The following SLC9A9 variants were observed in gnomAD, a reference collection of about 807,000 sequenced individuals.
The protein encoded by SLC9A9 is sodium/hydrogen exchanger 9.
A neutral mutation model predicts 77.8 loss-of-function variants in SLC9A9; 62 were observed. The ratio of observed to expected loss-of-function variants is 0.80; its 90% CI spans 0.65 to 0.98. The LOEUF (loss-of-function observed/expected upper bound fraction) is 0.98, where lower values mean the gene tolerates loss of function less well. Ranked by LOEUF, SLC9A9 falls within the 50% of genes least tolerant of loss-of-function variation. The pLI, the probability that SLC9A9 is intolerant of heterozygous loss-of-function variation, is 0.00. For synonymous variants in SLC9A9, 320 were observed against 283.5 expected, an observed-to-expected ratio of 1.13 and a Z score of -1.29; for missense variants, 775 against 774.9, an observed-to-expected ratio of 1.00 and a Z score of 0.00.
At chr3:143,715,460 C>T (rs897954315) in intron 4 of SLC9A9, among the ~76,000 whole-genome samples, 3 of 152,338 alleles carry the variant, frequency 2.0e-5, no homozygotes, top group African/African-American at 7.2e-5. Context: ...ATCCTGGACT[C>T]TCCTGAAAGA....
intron 14 of SLC9A9, among the ~76,000 whole-genome samples, chr3:143,297,353 T>G (rs1312373910): frequency 1.3e-5 from 2 of 152,234 alleles, no homozygotes; most frequent in African/African-American, 4.8e-5. Flanking sequence ...TGAAAACATA[T>G]AGGCCAACGG....
Position 143,532,868 on chromosome 3 carries a change from C to T in SLC9A9, c.1089+19494G>A, listed in dbSNP as rs183076735. On this transcript the variant is annotated intron_variant, in intron 9 of 15. Coordinates refer to ENST00000316549, the MANE Select transcript of SLC9A9 (RefSeq NM_173653.4). The stretch of plus-strand genomic sequence containing the variant: ...TGATGAGGCCTCTGCCTGCAATGCT[C>T]TCATTCTTGCCAACGCCTTTTGCCT... Among the ~76,000 whole-genome samples, 36 of 152,328 alleles carry T rather than the reference C, an allele frequency of 2.4e-4. 1 individual carries two copies. The South Asian group carries it at 5.0e-3, about 21-fold the overall frequency.
At chr3:143,343,084 C>G (rs1442333724) in intron 14 of SLC9A9, among the ~76,000 whole-genome samples, 1 of 152,120 alleles carries the variant, frequency 6.6e-6, no homozygotes, top group African/African-American at 2.4e-5. Context: ...TTGTTTATTT[C>G]TTTATTCACT....
intron 5 of SLC9A9, among the ~76,000 whole-genome samples, chr3:143,687,284 A>G (rs1933302169): frequency 6.6e-6 from 1 of 152,172 alleles, no homozygotes; most frequent in Admixed American, 6.5e-5. Flanking sequence ...TAATTTTTAA[A>G]TGGCCAAGAA....
At chr3:143,402,441 C>A in intron 12 of SLC9A9, among the ~76,000 whole-genome samples, 1 of 127,796 alleles carries the variant, frequency 7.8e-6, no homozygotes, top group African/African-American at 3.1e-5. Context: ...TACTTAGCAC[C>A]TTTGTGTTTT....
intron 6 of SLC9A9, among the ~76,000 whole-genome samples, chr3:143,586,557 T>TA (rs992753070): frequency 1.3e-5 from 2 of 152,032 alleles, no homozygotes; most frequent in Non-Finnish European, 2.9e-5. Flanking sequence ...CTTTATGCCT[T>TA]AAAAAAAAGA....
At position 143,467,026 on chromosome 3, in the gene SLC9A9, G is replaced by C. The variant is rs199715108; in HGVS notation, c.1469+11C>G. 6.2e-6 allele frequency: 10 copies of C among 1,612,686 alleles called. No homozygotes were observed. The highest frequency in any genetic ancestry group is 2.7e-5 in the African/African-American group (2 of 74,906). On this transcript the variant is annotated intron_variant, in intron 12 of 15. Transcript: ENST00000316549. ...TCATAATGATTTCCTTTGCTAGACG[G>C]TGTCACTCACCTGATCTGAAGCCAA...
At chr3:143,563,297 C>T (rs764869980) in intron 8 of SLC9A9, among the ~76,000 whole-genome samples, 2 of 152,134 alleles carry the variant, frequency 1.3e-5, no homozygotes, top group African/African-American at 2.4e-5. Flanking sequence ...TAACACAGTA[C>T]CATTTATACT....
intron 6 of SLC9A9, among the ~76,000 whole-genome samples, chr3:143,614,234 C>T (rs2038068170): frequency 6.6e-6 from 1 of 152,104 alleles, no homozygotes; most frequent in Non-Finnish European, 1.5e-5. Context: ...TTTCATGTTC[C>T]TGTTTCTGGT....
At chr3:143,794,962 C>A (rs2008333667) in intron 4 of SLC9A9, 39 bp downstream of exon 4, 2 of 1,586,738 alleles carry the variant, frequency 1.3e-6, no homozygotes, top group Non-Finnish European at 1.7e-6. Flanking sequence ...ATCACAGACC[C>A]CACAGCCACC....
chr3:143,342,860 C>T (rs549983793), intron 14 of SLC9A9, among the ~76,000 whole-genome samples: 9 of 152,198 alleles, frequency 5.9e-5, no homozygotes, highest in Non-Finnish European at 1.0e-4. Context: ...ACACGCGCCA[C>T]GCTTTTAACC....
intron 6 of SLC9A9, among the ~76,000 whole-genome samples, chr3:143,596,789 T>C (rs1487240113): frequency 6.6e-6 from 1 of 151,884 alleles, no homozygotes; most frequent in Admixed American, 6.6e-5. Context: ...CATCCTCCCA[T>C]GTAGTTGGGA....
chr3:143,619,716 A>C (rs948989087), intron 6 of SLC9A9, among the ~76,000 whole-genome samples: 4 of 152,208 alleles, frequency 2.6e-5, no homozygotes, highest in African/African-American at 4.8e-5. Flanking sequence ...AGGACCACCC[A>C]CATGGACAGC....
chr3:143,646,729 T>C (rs991254384), intron 6 of SLC9A9, among the ~76,000 whole-genome samples: 4 of 152,164 alleles, frequency 2.6e-5, no homozygotes, highest in Non-Finnish European at 5.9e-5. Context: ...CTGGATCAAA[T>C]GATTCACAAA....
At chr3:143,599,615 C>T (rs1576601787) in intron 6 of SLC9A9, among the ~76,000 whole-genome samples, 1 of 152,228 alleles carries the variant, frequency 6.6e-6, no homozygotes, top group South Asian at 2.1e-4. Context: ...CTCTCCTTTG[C>T]ACTATTGAGA....
intron 12 of SLC9A9, among the ~76,000 whole-genome samples, chr3:143,384,083 T>C (rs990026336): frequency 2.6e-5 from 4 of 152,110 alleles, no homozygotes; most frequent in African/African-American, 9.7e-5. Flanking sequence ...CCTTTGATTC[T>C]TGGGGTAGAA....
At chr3:143,826,252 C>T (rs1447056469) in intron 2 of SLC9A9, among the ~76,000 whole-genome samples, 1 of 137,188 alleles carries the variant, frequency 7.3e-6, no homozygotes, top group Non-Finnish European at 1.5e-5. Flanking sequence ...GAGCAAGACT[C>T]TGTCTTGAAA....
intron 2 of SLC9A9, among the ~76,000 whole-genome samples, chr3:143,798,312 G>T (rs887824841): frequency 3.3e-5 from 5 of 152,148 alleles, no homozygotes; most frequent in African/African-American, 1.2e-4. Flanking sequence ...AATCACTGTG[G>T]GGATGCCTGC....
At chr3:143,600,335 T>C (rs954302524) in intron 6 of SLC9A9, among the ~76,000 whole-genome samples, 1 of 152,098 alleles carries the variant, frequency 6.6e-6, no homozygotes. Context: ...CCATCAACGA[T>C]AGATTAGATA....
Sources: allele counts gnomAD v4.1 joint callset (sites outside exome capture counted in the v4.1 genomes callset), GRCh38; gene constraint gnomAD v4.1.1; transcripts MANE v1.5; gene names NCBI Gene and HGNC (gene_info 2026-07-23, HGNC 2026-07-21).